Variants in FAM184B observed in about 807,000 individuals in gnomAD.
FAM184B encodes the protein protein FAM184B.
A neutral mutation model predicts 135.9 loss-of-function variants in FAM184B; 111 were observed. That is an observed-to-expected ratio of 0.82 (90% CI 0.70 to 0.96). The LOEUF is 0.96. Ranked by LOEUF, FAM184B falls within the 40% of genes least tolerant of loss-of-function variation. FAM184B has a pLI of 0.00. For synonymous variants in FAM184B, 552 were observed against 524.8 expected (o/e 1.05, Z -0.71); for missense variants, 1,375 against 1,323.9 (o/e 1.04, Z -0.60).
intron 1 of FAM184B, among the ~76,000 whole-genome samples, chr4:17,765,272 T>C (rs1171267894): frequency 1.3e-5 from 2 of 152,132 alleles, no homozygotes; most frequent in Non-Finnish European, 2.9e-5. Flanking sequence ...TCTAGGCTGG[T>C]CTCTTCAAAT....
intron 1 of FAM184B, among the ~76,000 whole-genome samples, chr4:17,736,240 T>C (rs1717907424): frequency 6.6e-6 from 1 of 152,138 alleles, no homozygotes; most frequent in African/African-American, 2.4e-5. Flanking sequence ...TAGGATTCTG[T>C]TCCGTCTGAC....
chr4:17,658,026 G>A (rs545176368), intron 10 of FAM184B, among the ~76,000 whole-genome samples: 1 of 152,184 alleles, frequency 6.6e-6, no homozygotes, highest in South Asian at 2.1e-4. Flanking sequence ...TGACTTCCTG[G>A]CGTGTTCATG....
chr4:17,708,686 T>TG (rs1560182087), intron 2 of FAM184B, among the ~76,000 whole-genome samples: 10 of 49,200 alleles, frequency 2.0e-4, no homozygotes, highest in African/African-American at 8.8e-4. Context: ...TATATATATA[T>TG]ATATATATAT....
chr4:17,634,373 G>A (rs569572194), intron 16 of FAM184B, among the ~76,000 whole-genome samples: 1 of 152,254 alleles, frequency 6.6e-6, no homozygotes, highest in Non-Finnish European at 1.5e-5. Context: ...ACCCAAGCTG[G>A]AGTACGGTGG....
At chr4:17,753,386 T>G (rs1183451234) in intron 1 of FAM184B, among the ~76,000 whole-genome samples, 1 of 152,192 alleles carries the variant, frequency 6.6e-6, no homozygotes, top group African/African-American at 2.4e-5. Context: ...CTTTAGAAAC[T>G]TCTCTGTATG....
intron 10 of FAM184B, among the ~76,000 whole-genome samples, chr4:17,653,931 G>GGAGAGGGAGGGAGGGGGGAGGGGGGAGA (rs1350725706): frequency 6.9e-3 from 11 of 1,600 alleles, no homozygotes; most frequent in Non-Finnish European, 8.4e-3. Flanking sequence ...GGAGGGGGAG[G>GGAGAGGGAGGGAGGGGGGAGGGGGGAGA]GGGATTTGAA....
chr4:17,663,421 A>G (rs1033462063), intron 8 of FAM184B, among the ~76,000 whole-genome samples: 1 of 152,162 alleles, frequency 6.6e-6, no homozygotes, highest in Admixed American at 6.5e-5. Flanking sequence ...AGGAAGTCAA[A>G]CTATCCCTAT....
chr4:17,663,025 T>C (rs1715955710), intron 8 of FAM184B, among the ~76,000 whole-genome samples: 1 of 152,188 alleles, frequency 6.6e-6, no homozygotes, highest in African/African-American at 2.4e-5. Context: ...TGCCTCAACC[T>C]TCCAGGCTCA....
chr4:17,677,708 G>T (rs1716344421), intron 7 of FAM184B, among the ~76,000 whole-genome samples: 1 of 151,886 alleles, frequency 6.6e-6, no homozygotes, highest in South Asian at 2.1e-4. Context: ...ATCAGGAAAG[G>T]ACATAACAAA....
intron 11 of FAM184B, among the ~76,000 whole-genome samples, chr4:17,652,146 T>TTTTTTTTTTTTTTTTTTTG (rs762642185): frequency 7.6e-6 from 1 of 131,926 alleles, no homozygotes; most frequent in African/African-American, 2.8e-5. Flanking sequence ...TTTTTTTTTT[T>TTTTTTTTTTTTTTTTTTTG]TTGAGTCTTG....
intron 12 of FAM184B, among the ~76,000 whole-genome samples, chr4:17,645,721 A>AC (rs1425410868): frequency 1.3e-5 from 2 of 151,800 alleles, no homozygotes; most frequent in Middle Eastern, 3.2e-3. Context: ...GCCAAAATTG[A>AC]CAAGTGGGAT....
chr4:17,768,953 G>A lies in FAM184B; in HGVS notation c.141+12206C>T, dbSNP rs554677356. ...CGAATAGCTGAGATTACAGGCATGCGCCACCACGTCTGGCTAATTTTCTGT... is the reference window on the plus strand; with the variant it reads ...CGAATAGCTGAGATTACAGGCATGCACCACCACGTCTGGCTAATTTTCTGT... On this transcript the variant is annotated intron_variant, in intron 1 of 17. Coordinates refer to ENST00000265018, the MANE Select transcript of FAM184B (RefSeq NM_015688.2). Among the ~76,000 whole-genome samples, 21 of 152,146 alleles carry A rather than the reference G, an allele frequency of 1.4e-4. No individual in the cohort carries two copies. The South Asian group carries it at 1.5e-3, about 11-fold the overall frequency.
chr4:17,686,637 G>A (rs1709830149), intron 7 of FAM184B, among the ~76,000 whole-genome samples: 1 of 152,234 alleles, frequency 6.6e-6, no homozygotes, highest in Non-Finnish European at 1.5e-5. Flanking sequence ...GTGCCTTACA[G>A]GGTTGTTGGA....
intron 12 of FAM184B, 71 bp downstream of exon 12, chr4:17,647,566 T>C: frequency 2.0e-6 from 3 of 1,489,004 alleles, no homozygotes; most frequent in Non-Finnish European, 1.8e-6. Context: ...CCATCCTTTA[T>C]GGGGCTTCTT....
At chr4:17,700,963 A>G (rs1005602102) in intron 5 of FAM184B, among the ~76,000 whole-genome samples, 1 of 152,232 alleles carries the variant, frequency 6.6e-6, no homozygotes, top group Non-Finnish European at 1.5e-5. Flanking sequence ...ATAAAGAAAA[A>G]AATTTGAGAA....
intron 1 of FAM184B, among the ~76,000 whole-genome samples, chr4:17,759,983 C>T (rs950098132): frequency 6.6e-6 from 1 of 152,164 alleles, no homozygotes; most frequent in Non-Finnish European, 1.5e-5. Context: ...GTGGCAGCCG[C>T]TGATGTGATT....
intron 2 of FAM184B, among the ~76,000 whole-genome samples, chr4:17,708,670 T>C (rs1287294698): frequency 8.1e-4 from 21 of 25,806 alleles, no homozygotes; most frequent in Non-Finnish European, 1.0e-3. Flanking sequence ...AAACTATATA[T>C]ATATATATAT....
intron 7 of FAM184B, among the ~76,000 whole-genome samples, chr4:17,679,782 A>T (rs959771677): frequency 7.7e-6 from 1 of 129,686 alleles, no homozygotes; most frequent in Non-Finnish European, 1.7e-5. Context: ...CCACATGCCC[A>T]TCAGTCAATG....
intron 1 of FAM184B, among the ~76,000 whole-genome samples, chr4:17,735,129 A>G (rs1449904895): frequency 6.6e-6 from 1 of 151,804 alleles, no homozygotes; most frequent in East Asian, 1.9e-4. Context: ...GGAATTAAAC[A>G]ATGAAAACAC....
Sources: gnomAD v4.1 joint callset for allele counts (sites outside exome capture counted in the v4.1 genomes callset) on GRCh38, gnomAD v4.1.1 for gene constraint, MANE v1.5 for transcripts, NCBI Gene and HGNC (gene_info 2026-07-23, HGNC 2026-07-21) for gene names.